CPNE5: variants seen among roughly 807,000 people sequenced by gnomAD.
CPNE5 encodes the protein copine-5.
Under a neutral mutation model 81.1 loss-of-function variants are expected in CPNE5, and 42 were observed. The observed-to-expected ratio is 0.52, with a 90% CI of 0.40 to 0.67. CPNE5 has a LOEUF of 0.67. Ranked by LOEUF, CPNE5 falls within the 30% of genes least tolerant of loss-of-function variation. The probability of loss-of-function intolerance (pLI) is 0.00; values close to 1 mark genes in which losing one functional copy is unlikely to be tolerated. For missense variants in CPNE5, 612 were observed against 815.5 expected, an observed-to-expected ratio of 0.75 and a Z score of 3.04; for synonymous variants, 313 against 321.5, an observed-to-expected ratio of 0.97 and a Z score of 0.28.
intron 3 of CPNE5, among the ~76,000 whole-genome samples, chr6:36,819,937 G>A (rs1015624853): frequency 5.3e-5 from 8 of 152,288 alleles, no homozygotes; most frequent in Non-Finnish European, 1.0e-4. Flanking sequence ...TGGAGCAAGC[G>A]CAATCTCCAG....
chr6:36,771,759 C>T (rs1013812441), intron 10 of CPNE5, among the ~76,000 whole-genome samples: 2 of 151,996 alleles, frequency 1.3e-5, no homozygotes, highest in South Asian at 2.1e-4. Flanking sequence ...CCCTCCCCTG[C>T]CTACCCTGGA....
At chr6:36,807,310 TG>T (rs1455990724) in intron 3 of CPNE5, among the ~76,000 whole-genome samples, 1 of 152,222 alleles carries the variant, frequency 6.6e-6, no homozygotes, top group Non-Finnish European at 1.5e-5. Flanking sequence ...TATGTGACCT[TG>T]GGCAAATGCC....
At chr6:36,744,974 C>A in intron 18 of CPNE5, 74 bp downstream of exon 18, 1 of 1,056,672 alleles carries the variant, frequency 9.5e-7, no homozygotes, top group Non-Finnish European at 1.5e-6. Context: ...GAGGTAGGCA[C>A]ATCCCCAGGG....
intron 7 of CPNE5, among the ~76,000 whole-genome samples, chr6:36,793,257 G>A (rs1162706801): frequency 6.6e-6 from 1 of 152,116 alleles, no homozygotes; most frequent in Non-Finnish European, 1.5e-5. Flanking sequence ...AGCCGGCCCT[G>A]GAGGGCTGGC....
intron 1 of CPNE5, chr6:36,827,548 A>G: frequency 1.0e-6 from 1 of 985,408 alleles, no homozygotes. Context: ...ACATGTTGAG[A>G]CACCGTCTCT....
intron 8 of CPNE5, among the ~76,000 whole-genome samples, chr6:36,782,204 G>A (rs935953779): frequency 2.0e-5 from 3 of 152,074 alleles, no homozygotes; most frequent in Non-Finnish European, 4.4e-5. Flanking sequence ...TCATGATCTC[G>A]CACGAATCTG....
chr6:36,762,755 G>A (rs981327810), intron 12 of CPNE5, among the ~76,000 whole-genome samples, 162 bp downstream of exon 12: 9 of 152,178 alleles, frequency 5.9e-5, no homozygotes, highest in African/African-American at 1.2e-4. Context: ...GCAAGTTCTC[G>A]CACTTCTCCA....
At chr6:36,784,983 C>T (rs1764322864) in intron 8 of CPNE5, among the ~76,000 whole-genome samples, 1 of 151,624 alleles carries the variant, frequency 6.6e-6, no homozygotes, top group South Asian at 2.1e-4. Flanking sequence ...GCCATTCCCA[C>T]CAGAAACATC....
intron 1 of CPNE5, among the ~76,000 whole-genome samples, chr6:36,833,695 C>T (rs1561832832): frequency 6.6e-6 from 1 of 152,154 alleles, no homozygotes; most frequent in Non-Finnish European, 1.5e-5. Flanking sequence ...TGCCACCCAC[C>T]GGTGAGCTTG....
At chr6:36,755,603 T>C (rs11757521) in intron 13 of CPNE5, 15,992 of 151,916 alleles carry the variant, frequency 0.11, 885 homozygotes, top group East Asian at 0.16. Flanking sequence ...TGTTTCCAGC[T>C]GTATCTGATG....
chr6:36,755,909 CA>C (rs1765398124), intron 13 of CPNE5: 2 of 377,380 alleles, frequency 5.3e-6, no homozygotes, highest in East Asian at 1.0e-4. Context: ...CTCAGGGCAA[CA>C]ACCTGTGAAA....
intron 12 of CPNE5, among the ~76,000 whole-genome samples, chr6:36,756,984 G>T (rs1765543667): frequency 6.6e-6 from 1 of 152,122 alleles, no homozygotes. Flanking sequence ...GACGGTTTTG[G>T]TTTCCACAAC....
chr6:36,804,022 T>C (rs114763677), intron 3 of CPNE5, among the ~76,000 whole-genome samples: 404 of 152,308 alleles, frequency 2.7e-3, no homozygotes, highest in Non-Finnish European at 4.5e-3. Flanking sequence ...ATAGCTTAAG[T>C]GCATCATTAA....
chr6:36,823,106 A>T lies in CPNE5; in HGVS notation c.96-8T>A. The T allele has an allele frequency of 2.6e-6, 4 of 1,560,402 alleles. No individual in the cohort carries two copies. The South Asian group carries it at 4.9e-5, about 19-fold the overall frequency. ...TCTTTGTCCAGGAGGTTCCTGAAAG[A>T]GGGGGAGAGAGGAGGGGTTAGCACG... On this transcript the variant is annotated splice_polypyrimidine_tract_variant and splice_region_variant and intron_variant, in intron 1 of 20. Coordinates refer to ENST00000244751, the MANE Select transcript of CPNE5 (RefSeq NM_020939.2).
intron 11 of CPNE5, 54 bp downstream of exon 11, chr6:36,765,281 G>C (rs1436884142): frequency 6.3e-7 from 1 of 1,596,098 alleles, no homozygotes. Flanking sequence ...GCAGGGCCCA[G>C]TGGCTGTCCC....
chr6:36,819,691 C>T lies in CPNE5; in HGVS notation c.183+2423G>A, dbSNP rs1297882553. Among the ~76,000 whole-genome samples the T allele has an allele frequency of 3.9e-5, 6 of 152,214 alleles. No homozygotes were observed. The East Asian group carries it at 1.2e-3, about 29-fold the overall frequency. On this transcript the variant is annotated intron_variant, in intron 3 of 20. Transcript: ENST00000244751. ...GTCATTGGTCATTTTGTGCACTGTC[C>T]CCCTCCCTTCCCCTTTCCTTGGACC...
At chr6:36,794,913 C>T (rs1331866176) in intron 6 of CPNE5, among the ~76,000 whole-genome samples, 1 of 152,178 alleles carries the variant, frequency 6.6e-6, no homozygotes, top group East Asian at 1.9e-4. Flanking sequence ...AATTCCCAGG[C>T]CGAGCCCATA....
intron 1 of CPNE5, among the ~76,000 whole-genome samples, chr6:36,838,960 A>G (rs2150641631): frequency 6.6e-6 from 1 of 152,312 alleles, no homozygotes; most frequent in East Asian, 1.9e-4. Flanking sequence ...TAGCCTGAGC[A>G]GAGACCGTAG....
intron 3 of CPNE5, among the ~76,000 whole-genome samples, chr6:36,821,761 C>G (rs1431728145): frequency 6.6e-6 from 1 of 152,170 alleles, no homozygotes; most frequent in East Asian, 1.9e-4. Flanking sequence ...GGGAAGGAAG[C>G]TTGCTGTGGA....
Sources: gnomAD v4.1 joint callset for allele counts (sites outside exome capture counted in the v4.1 genomes callset) on GRCh38, gnomAD v4.1.1 for gene constraint, MANE v1.5 for transcripts, NCBI Gene and HGNC (gene_info 2026-07-23, HGNC 2026-07-21) for gene names.